The following HTR1E variants were observed in gnomAD, a reference collection of about 807,000 sequenced individuals.
HTR1E encodes 5-hydroxytryptamine receptor 1E, also known as 5-HT-1E.
In HTR1E, 3 loss-of-function variants were observed where a neutral mutation model predicts 3.4. That is an observed-to-expected ratio of 0.89 (90% confidence interval 0.41 to 2.31). The LOEUF (loss-of-function observed/expected upper bound fraction) is 2.31, where lower values mean the gene tolerates loss of function less well. HTR1E is among the 30% of genes most tolerant of loss of function. HTR1E has a pLI of 0.05. For missense variants in HTR1E, 392 were observed against 467.0 expected (o/e 0.84, Z 1.48); for synonymous variants, 170 against 182.8 (o/e 0.93, Z 0.56).
At chr6:87,015,090 A>AT (rs1363047551) in intron 1 of HTR1E, 60 bp from the exon 2 acceptor site, 2 of 331,136 alleles carry the variant, frequency 6.0e-6, no homozygotes, top group Admixed American at 9.6e-5. Context: ...AACTATTTTC[A>AT]TGTTTTCCAG....
intron 1 of HTR1E, among the ~76,000 whole-genome samples, chr6:86,940,135 A>G (rs73497528): frequency 0.013 from 1,985 of 152,206 alleles, 42 homozygotes; most frequent in African/African-American, 0.045. Flanking sequence ...GAAGTAAGGT[A>G]TATCATTCAC....
At chr6:86,988,101 A>G (rs1221311732) in intron 1 of HTR1E, among the ~76,000 whole-genome samples, 1 of 152,218 alleles carries the variant, frequency 6.6e-6, no homozygotes, top group Non-Finnish European at 1.5e-5. Context: ...ACACAGAAAT[A>G]TTGACTTGCC....
chr6:86,995,688 G>GAAAAAAAAAA (rs58476122), intron 1 of HTR1E, among the ~76,000 whole-genome samples: 2 of 55,246 alleles, frequency 3.6e-5, no homozygotes, highest in Non-Finnish European at 7.6e-5. Flanking sequence ...AAAAAAAAAA[G>GAAAAAAAAAA]AAAAAAAAAA....
chr6:86,937,963 G>A (rs1274525257), intron 1 of HTR1E, 140 bp downstream of exon 1: 2 of 152,664 alleles, frequency 1.3e-5, no homozygotes, highest in South Asian at 2.1e-4. Context: ...GGGTGTCGGA[G>A]GGAGACTGAG....
Position 86,974,606 on chromosome 6 carries a change from T to C in HTR1E, c.-186+36783T>C, listed in dbSNP as rs1767603646. 2.6e-5 allele frequency among the ~76,000 whole-genome samples: 4 copies of C among 152,328 alleles called. No individual in the cohort carries two copies. The South Asian group carries it at 8.3e-4, about 32-fold the overall frequency. On this transcript the variant is annotated intron_variant, in intron 1 of 1. Coordinates refer to ENST00000305344, the MANE Select transcript of HTR1E (RefSeq NM_000865.3). ...TTAAATGGTGCATGATTGCAATTTG[T>C]TCTATTATTAGTTATGCTCACTTTG...
chr6:87,001,871 T>A (rs1768029168), intron 1 of HTR1E, among the ~76,000 whole-genome samples: 1 of 152,148 alleles, frequency 6.6e-6, no homozygotes, highest in South Asian at 2.1e-4. Context: ...ATTGGGTCAG[T>A]TTCAACTTCA....
intron 1 of HTR1E, among the ~76,000 whole-genome samples, chr6:86,958,624 G>C (rs1238744224): frequency 1.3e-5 from 2 of 152,112 alleles, no homozygotes; most frequent in Non-Finnish European, 2.9e-5. Flanking sequence ...ACAAATATTT[G>C]AATAAATATA....
At position 87,015,131 on chromosome 6, in the gene HTR1E, A is replaced by G; in HGVS notation, c.-185-19A>G. On this transcript the variant is annotated intron_variant, in intron 1 of 1. Transcript: ENST00000305344. ...GTGTGGCTTTCTCATTCATTAACCA[A>G]TAGCATAATATTTTCCAGGAACCTT... 1 of 386,130 alleles carries G rather than the reference A, an allele frequency of 2.6e-6. No homozygotes were observed. Among genetic ancestry groups the G allele is most frequent in the East Asian group, 3.8e-5 (1 of 26,506 alleles). 23.9% of individuals were successfully genotyped at this position (386,130 alleles called of 1,614,324 possible).
At chr6:86,970,984 G>A (rs987815215) in intron 1 of HTR1E, 17 of 415,046 alleles carry the variant, frequency 4.1e-5, no homozygotes, top group Non-Finnish European at 6.0e-5. Context: ...TCAATCTCTT[G>A]GCAAATATGG....
chr6:86,997,162 TC>T (rs1767951533), intron 1 of HTR1E, among the ~76,000 whole-genome samples: 1 of 151,902 alleles, frequency 6.6e-6, no homozygotes, highest in African/African-American at 2.4e-5. Flanking sequence ...TAAAAAAGAT[TC>T]ACATAAAAGT....
At chr6:86,938,157 T>G (rs1359325393) in intron 1 of HTR1E, among the ~76,000 whole-genome samples, 1 of 152,114 alleles carries the variant, frequency 6.6e-6, no homozygotes, top group South Asian at 2.1e-4. Context: ...ATGGAACGGG[T>G]GCTGGGGGGG....
chr6:87,011,343 A>G (rs112692539), intron 1 of HTR1E, among the ~76,000 whole-genome samples: 2,651 of 152,326 alleles, frequency 0.017, 79 homozygotes, highest in African/African-American at 0.059. Flanking sequence ...AGTACTTAAC[A>G]CAGGTTGACT....
At chr6:86,988,892 G>T (rs1767834045) in intron 1 of HTR1E, among the ~76,000 whole-genome samples, 1 of 152,168 alleles carries the variant, frequency 6.6e-6, no homozygotes, top group South Asian at 2.1e-4. Context: ...AGGTGTAAGT[G>T]TGTATGTTTG....
chr6:86,955,379 G>C (rs759978780), intron 1 of HTR1E, among the ~76,000 whole-genome samples: 1 of 152,202 alleles, frequency 6.6e-6, no homozygotes, highest in Non-Finnish European at 1.5e-5. Context: ...TGTACATGTA[G>C]AGAAATGGAA....
intron 1 of HTR1E, among the ~76,000 whole-genome samples, chr6:86,945,965 C>A (rs1488310117): frequency 1.3e-5 from 2 of 152,176 alleles, no homozygotes; most frequent in African/African-American, 4.8e-5. Context: ...TCTCAATCTC[C>A]TGACCTCAGG....
At chr6:87,007,588 C>T (rs1768134516) in intron 1 of HTR1E, among the ~76,000 whole-genome samples, 1 of 151,990 alleles carries the variant, frequency 6.6e-6, no homozygotes, top group African/African-American at 2.4e-5. Context: ...CTCATATACC[C>T]CCTAAATATA....
chr6:86,944,837 A>G (rs1198381102), intron 1 of HTR1E, among the ~76,000 whole-genome samples: 1 of 152,220 alleles, frequency 6.6e-6, no homozygotes, highest in East Asian at 1.9e-4. Flanking sequence ...TTGTAGCACA[A>G]TGTATCGCTC....
At chr6:86,949,153 G>A (rs546906014) in intron 1 of HTR1E, among the ~76,000 whole-genome samples, 35 of 152,270 alleles carry the variant, frequency 2.3e-4, no homozygotes, top group Admixed American at 2.2e-3. Flanking sequence ...GACAGATTCT[G>A]GAACTGAATC....
chr6:87,009,510 C>T (rs1273504463), intron 1 of HTR1E, among the ~76,000 whole-genome samples: 44 of 150,764 alleles, frequency 2.9e-4, no homozygotes, highest in Admixed American at 2.8e-3. Context: ...TTTTCCCCAC[C>T]TTTCCCGCCT....
Sources: allele counts gnomAD v4.1 joint callset (sites outside exome capture counted in the v4.1 genomes callset), GRCh38; gene constraint gnomAD v4.1.1; transcripts MANE v1.5; gene names NCBI Gene and HGNC (gene_info 2026-07-23, HGNC 2026-07-21).